Variants in PGLYRP3 observed in about 807,000 individuals in gnomAD.
PGLYRP3 encodes peptidoglycan recognition protein 3, also known as peptidoglycan recognition protein I alpha.
Under a neutral mutation model 36.0 loss-of-function variants are expected in PGLYRP3, and 39 were observed. That is an observed-to-expected ratio of 1.08 (90% CI 0.84 to 1.41). The LOEUF is 1.41. Ranked by LOEUF, PGLYRP3 falls within the 40% of genes most tolerant of loss-of-function variation. The pLI is 0.00. For synonymous variants in PGLYRP3, 204 were observed against 172.8 expected (o/e 1.18, Z -1.42); for missense variants, 407 against 427.9 (o/e 0.95, Z 0.43).
chr1:153,304,273 G>A (rs1659681320), intron 4 of PGLYRP3, among the ~76,000 whole-genome samples: 1 of 152,196 alleles, frequency 6.6e-6, no homozygotes, highest in Non-Finnish European at 1.5e-5. Context: ...GGCAGTGAAG[G>A]ATACATGCAA....
chr1:153,311,306 G>T (rs1659892084), intron 1 of PGLYRP3, among the ~76,000 whole-genome samples: 1 of 152,120 alleles, frequency 6.6e-6, no homozygotes, highest in African/African-American at 2.4e-5. Flanking sequence ...GTGTTCCAAG[G>T]TTTTTGCTGA....
rs201262138 is a variant in PGLYRP3, at chr1:153,297,558, A to G, written c.*398T>C. 0.077 allele frequency among the ~76,000 whole-genome samples: 4,899 copies of G among 63,844 alleles called. 130 individuals are homozygous for G. Among genetic ancestry groups the G allele is most frequent in the East Asian group, 0.084 (210 of 2,500 alleles). 41.9% of individuals were successfully genotyped at this position (63,844 alleles called of 152,430 possible). A position where few individuals can be genotyped will look rare whatever the true frequency, so the allele number is the denominator to read the frequency against. On this transcript the variant is annotated 3_prime_UTR_variant, in exon 8 of 8. Transcript: ENST00000683862. The stretch of plus-strand genomic sequence containing the variant: ...AGGAAGGAAGGAAGGAAGGAAAGAA[A>G]GAAAAAGAAAGAAAGAAAGAAAGAA...
In PGLYRP3 at chr1:153,297,747, A is replaced by C; in HGVS notation, c.*209T>G. ...GGTAGGTAAAAGAGAGGGGAAGTCTAAACTCAGACCAAGAGGGCTGTGAAT... is the reference window on the plus strand; with the variant it reads ...GGTAGGTAAAAGAGAGGGGAAGTCTCAACTCAGACCAAGAGGGCTGTGAAT... On this transcript the variant is annotated 3_prime_UTR_variant, in exon 8 of 8. Transcript: ENST00000683862. 1 of 535,870 alleles carries C rather than the reference A, an allele frequency of 1.9e-6. No homozygotes were observed. The highest frequency in any genetic ancestry group is 3.3e-6 in the Non-Finnish European group (1 of 305,744). The allele number at this position is 535,870 out of a possible 1,614,324, so 33.2% of individuals were successfully genotyped here.
At chr1:153,311,541 G>T (rs184859000) in intron 1 of PGLYRP3, among the ~76,000 whole-genome samples, 1 of 152,246 alleles carries the variant, frequency 6.6e-6, no homozygotes, top group East Asian at 1.9e-4. Context: ...GGCCCAAGAG[G>T]TTGAACTATA....
Position 153,297,878 on chromosome 1 carries a change from C to A in PGLYRP3, c.*78G>T. 6.6e-7 allele frequency: 1 copy of A among 1,504,800 alleles called. No individual in the cohort carries two copies. The highest frequency in any genetic ancestry group is 1.2e-5 in the South Asian group (1 of 81,702). 93.2% of individuals were successfully genotyped at this position (1,504,800 alleles called of 1,614,324 possible). A position where few individuals can be genotyped will look rare whatever the true frequency, so the allele number is the denominator to read the frequency against. Reference sequence around the variant, plus strand: ...TGGCAGGGGAGGGGGACACAAGGTGCTGAGCCACCTTGGCTGGTGAGGGTT... The same window carrying A: ...TGGCAGGGGAGGGGGACACAAGGTGATGAGCCACCTTGGCTGGTGAGGGTT... On this transcript the variant is annotated 3_prime_UTR_variant, in exon 8 of 8. Transcript: ENST00000683862.
At chr1:153,310,352 C>CT (rs1348083355) in intron 2 of PGLYRP3, among the ~76,000 whole-genome samples, 1 of 152,142 alleles carries the variant, frequency 6.6e-6, no homozygotes, top group Non-Finnish European at 1.5e-5. Context: ...AAAAACAACT[C>CT]TAAGAAATGA....
At chr1:153,307,995 T>C (rs887644878) in intron 2 of PGLYRP3, among the ~76,000 whole-genome samples, 92 of 118,008 alleles carry the variant, frequency 7.8e-4, no homozygotes, top group Admixed American at 2.4e-4. Flanking sequence ...TCTCCTTCTC[T>C]CTCTCTTTTT....
At chr1:153,307,298 C>T in intron 2 of PGLYRP3, 31 bp from the exon 3 acceptor site, 1 of 1,553,236 alleles carries the variant, frequency 6.4e-7, no homozygotes, top group Non-Finnish European at 8.7e-7. Context: ...TGGCACATAG[C>T]AGGCCCTGCC....
chr1:153,299,209 C>G lies in PGLYRP3; in HGVS notation c.751G>C (p.Gly251Arg). The G allele has an allele frequency of 6.2e-7, 1 of 1,614,072 alleles. No individual in the cohort carries two copies. The change falls in exon 7 of 8, where the codon GGC becomes CGC. Residue 251 changes from glycine (G) to arginine (R), a missense_variant. Physicochemically the swap from Gly to Arg is moderately radical, Grantham distance 125. Coordinates refer to ENST00000683862, the MANE Select transcript of PGLYRP3 (RefSeq NM_052891.3). ...TGCCATCCAACCCCTTCATACACGC[C>G]ACCATCCTGGCCCACCAGGAAGCTT... Reference protein sequence around the residue: ...GYHFLVGQDGGVYEGVGWHIQ... With the variant: ...GYHFLVGQDGRVYEGVGWHIQ...
chr1:153,299,360 G>T, intron 6 of PGLYRP3, 129 bp from the exon 7 acceptor site: 4 of 728,788 alleles, frequency 5.5e-6, no homozygotes, highest in Non-Finnish European at 9.3e-6. Context: ...TCTCTTATGT[G>T]CCAATGTGGA....
In PGLYRP3 at chr1:153,309,955, C is replaced by CT. The variant is rs567245896; in HGVS notation, c.55+655dup. On this transcript the variant is annotated intron_variant, in intron 2 of 7. Transcript: ENST00000683862. ...CAGGTAATCCCATTAAATTTGCTGT[C>CT]TGAGTAGCAGAGGACAGAGAGAAAG... Among the ~76,000 whole-genome samples, 18 of 152,340 alleles carry CT rather than the reference C, an allele frequency of 1.2e-4. No homozygotes were observed. In the South Asian group the frequency reaches 3.7e-3, roughly 32 times the overall value.
At chr1:153,299,729 A>G (rs1659539225) in intron 6 of PGLYRP3, among the ~76,000 whole-genome samples, 1 of 152,118 alleles carries the variant, frequency 6.6e-6, no homozygotes, top group African/African-American at 2.4e-5. Flanking sequence ...CCACAGCTTC[A>G]AGTACTACCT....
At chr1:153,300,079 G>A (rs932725680) in intron 6 of PGLYRP3, among the ~76,000 whole-genome samples, 1 of 152,120 alleles carries the variant, frequency 6.6e-6, no homozygotes, top group Non-Finnish European at 1.5e-5. Context: ...CTTTCAAATT[G>A]AGTCAGTCTC....
chr1:153,308,940 A>G (rs1571108461), intron 2 of PGLYRP3, among the ~76,000 whole-genome samples: 1 of 151,912 alleles, frequency 6.6e-6, no homozygotes, highest in African/African-American at 2.4e-5. Flanking sequence ...TACTAATCAA[A>G]CCGTCGGTAC....
chr1:153,299,193 A>G lies in PGLYRP3; in HGVS notation c.767T>C (p.Val256Ala), dbSNP rs1571098674. 2 of 1,613,878 alleles carry G rather than the reference A, an allele frequency of 1.2e-6. No homozygotes were observed. Among genetic ancestry groups the G allele is most frequent in the East Asian group, 4.5e-5 (2 of 44,870 alleles). Residue 256 changes from valine to alanine, a missense_variant, in exon 7 of 8, where the codon GTT becomes GCT. Transcript: ENST00000683862. ...VGQDGGVYEG[V>A]GWHIQGSHTY... ...GTGAGAGCCTTGGATGTGCCATCCA[A>G]CCCCTTCATACACGCCACCATCCTG... is the stretch of plus-strand genomic sequence containing the variant.
intron 2 of PGLYRP3, among the ~76,000 whole-genome samples, chr1:153,309,548 T>G (rs1429220489): frequency 6.6e-6 from 1 of 152,214 alleles, no homozygotes; most frequent in Admixed American, 6.5e-5. Context: ...ACCATGATTC[T>G]GAGGTTCTGT....
chr1:153,312,617 A>G (rs547577857), intron 1 of PGLYRP3, among the ~76,000 whole-genome samples, 26 bp downstream of exon 1: 49 of 152,056 alleles, frequency 3.2e-4, no homozygotes, highest in African/African-American at 1.0e-3. Flanking sequence ...ACACACACAC[A>G]CACACACACT....
intron 1 of PGLYRP3, 133 bp from the exon 2 acceptor site, chr1:153,310,839 C>A: frequency 1.7e-6 from 1 of 605,208 alleles, no homozygotes; most frequent in Non-Finnish European, 3.0e-6. Context: ...GCTCAGGCTT[C>A]TCGGGGCCCC....
chr1:153,308,006 TTTTTTTGAAA>T (rs1298650988), intron 2 of PGLYRP3, among the ~76,000 whole-genome samples: 1 of 151,462 alleles, frequency 6.6e-6, no homozygotes, highest in Non-Finnish European at 1.5e-5. Flanking sequence ...CTCTCTTTTT[TTTTTTTGAAA>T]TGGAGTCTCG....
Sources: allele counts gnomAD v4.1 joint callset (sites outside exome capture counted in the v4.1 genomes callset), GRCh38; gene constraint gnomAD v4.1.1; transcripts MANE v1.5; gene names NCBI Gene and HGNC (gene_info 2026-07-23, HGNC 2026-07-21).